RAP1A: variants seen among roughly 807,000 people sequenced by gnomAD.
RAP1A encodes the protein RAP1A, member of RAS oncogene family.
In RAP1A, 6 loss-of-function variants were observed where a neutral mutation model predicts 26.4. That is an observed-to-expected ratio of 0.23 (90% confidence interval 0.12 to 0.45). The LOEUF is 0.45. RAP1A is among the 20% of genes least tolerant of loss of function. The pLI, the probability that RAP1A is intolerant of heterozygous loss-of-function variation, is 0.99. For missense variants in RAP1A, 121 were observed against 217.2 expected, an observed-to-expected ratio of 0.56 and a Z score of 2.78; for synonymous variants, 73 against 79.4, an observed-to-expected ratio of 0.92 and a Z score of 0.43.
chr1:111,574,131 G>A (rs1658102398), intron 1 of RAP1A, among the ~76,000 whole-genome samples: 1 of 152,092 alleles, frequency 6.6e-6, no homozygotes, highest in African/African-American at 2.4e-5. Flanking sequence ...GTTGATTTTT[G>A]TATATAGTGT....
intron 1 of RAP1A, among the ~76,000 whole-genome samples, chr1:111,687,834 T>G (rs1433322879): frequency 1.3e-5 from 2 of 151,808 alleles, no homozygotes; most frequent in African/African-American, 4.8e-5. Context: ...GGTAACATAG[T>G]GAGACTCTGT....
intron 1 of RAP1A, among the ~76,000 whole-genome samples, chr1:111,681,715 C>G (rs537760434): frequency 2.0e-5 from 3 of 152,166 alleles, no homozygotes; most frequent in African/African-American, 7.2e-5. Flanking sequence ...AAGACCAAAC[C>G]TACGATTGAT....
At chr1:111,643,148 A>G (rs533765637) in intron 1 of RAP1A, among the ~76,000 whole-genome samples, 2 of 152,166 alleles carry the variant, frequency 1.3e-5, no homozygotes, top group Non-Finnish European at 2.9e-5. Context: ...GCAGATATTC[A>G]ACTCTGCTGT....
chr1:111,672,679 C>T (rs1389244610), intron 1 of RAP1A, among the ~76,000 whole-genome samples: 1 of 152,134 alleles, frequency 6.6e-6, no homozygotes, highest in Non-Finnish European at 1.5e-5. Flanking sequence ...CTTTTCTAAC[C>T]TAGCTTAAGA....
chr1:111,699,114 G>A (rs905744856), intron 4 of RAP1A, among the ~76,000 whole-genome samples: 1 of 152,046 alleles, frequency 6.6e-6, no homozygotes, highest in Non-Finnish European at 1.5e-5. Flanking sequence ...TTGCTTGTTT[G>A]TGTCCCCAGT....
chr1:111,632,169 C>T (rs1659586456), intron 1 of RAP1A, among the ~76,000 whole-genome samples: 1 of 150,266 alleles, frequency 6.7e-6, no homozygotes, highest in East Asian at 1.9e-4. Context: ...ATTTGTTGCT[C>T]AGAAATATGA....
At chr1:111,676,818 A>G (rs946290055) in intron 1 of RAP1A, among the ~76,000 whole-genome samples, 9 of 151,094 alleles carry the variant, frequency 6.0e-5, no homozygotes, top group African/African-American at 2.2e-4. Context: ...TTAAGAGACC[A>G]AGTCTTTCTC....
At chr1:111,660,990 A>C (rs1161323070) in intron 1 of RAP1A, among the ~76,000 whole-genome samples, 1 of 152,124 alleles carries the variant, frequency 6.6e-6, no homozygotes, top group Non-Finnish European at 1.5e-5. Flanking sequence ...ATGGACTACG[A>C]TCTCCCCATT....
At chr1:111,705,354 T>A (rs1265092255) in intron 6 of RAP1A, among the ~76,000 whole-genome samples, 1 of 152,182 alleles carries the variant, frequency 6.6e-6, no homozygotes, top group Non-Finnish European at 1.5e-5. Flanking sequence ...TGGGTTAAGT[T>A]ATGAGTCCTC....
intron 1 of RAP1A, among the ~76,000 whole-genome samples, chr1:111,634,128 G>GA: frequency 6.6e-6 from 1 of 152,268 alleles, no homozygotes; most frequent in South Asian, 2.1e-4. Flanking sequence ...ATGGACATGT[G>GA]AAGTTTTTTA....
At chr1:111,587,385 C>A (rs185459894) in intron 1 of RAP1A, among the ~76,000 whole-genome samples, 166 of 152,260 alleles carry the variant, frequency 1.1e-3, no homozygotes, top group Middle Eastern at 3.4e-3. Flanking sequence ...GCTCCATCAA[C>A]AACACCTAAA....
chr1:111,552,592 A>G (rs1439657293), intron 1 of RAP1A, among the ~76,000 whole-genome samples: 1 of 152,168 alleles, frequency 6.6e-6, no homozygotes, highest in Non-Finnish European at 1.5e-5. Flanking sequence ...ATCACCAAAG[A>G]CAGCCAGTTA....
chr1:111,666,975 T>G (rs1263445507), intron 1 of RAP1A, among the ~76,000 whole-genome samples: 1 of 128,768 alleles, frequency 7.8e-6, no homozygotes, highest in East Asian at 2.4e-4. Flanking sequence ...GCCAAATCAT[T>G]AGGAGCTTTG....
At chr1:111,664,036 A>G (rs1431627663) in intron 1 of RAP1A, among the ~76,000 whole-genome samples, 1 of 152,126 alleles carries the variant, frequency 6.6e-6, no homozygotes, top group African/African-American at 2.4e-5. Flanking sequence ...GAAAGTTTCA[A>G]GTTCATAGGA....
At chr1:111,601,528 A>G (rs1658671124) in intron 1 of RAP1A, among the ~76,000 whole-genome samples, 1 of 152,222 alleles carries the variant, frequency 6.6e-6, no homozygotes, top group African/African-American at 2.4e-5. Flanking sequence ...CTGTGGCTGA[A>G]GGTTGCTATT....
intron 1 of RAP1A, among the ~76,000 whole-genome samples, chr1:111,588,809 A>G (rs1658424401): frequency 6.6e-6 from 1 of 152,226 alleles, no homozygotes; most frequent in South Asian, 2.1e-4. Context: ...CGTCTGCACT[A>G]GAATATACCC....
chr1:111,664,394 A>C (rs924512137), intron 1 of RAP1A, among the ~76,000 whole-genome samples: 41 of 150,496 alleles, frequency 2.7e-4, no homozygotes, highest in Admixed American at 4.0e-4. Flanking sequence ...AAAAAAAAAA[A>C]AAAACAAAAA....
At chr1:111,607,336 G>C (rs1658806530) in intron 1 of RAP1A, among the ~76,000 whole-genome samples, 1 of 152,192 alleles carries the variant, frequency 6.6e-6, no homozygotes, top group Non-Finnish European at 1.5e-5. Context: ...ACAGGGTTGG[G>C]GGTAAGGTCA....
At chr1:111,657,861 A>G (rs910124393) in intron 1 of RAP1A, among the ~76,000 whole-genome samples, 2 of 151,750 alleles carry the variant, frequency 1.3e-5, no homozygotes, top group African/African-American at 4.8e-5. Flanking sequence ...ATCCCTTTTG[A>G]TTTCTTCTTT....
Sources: allele counts gnomAD v4.1 joint callset (sites outside exome capture counted in the v4.1 genomes callset), GRCh38; gene constraint gnomAD v4.1.1; transcripts MANE v1.5; gene names NCBI Gene and HGNC (gene_info 2026-07-23, HGNC 2026-07-21).